Variants in SLC36A1 observed in about 807,000 individuals in gnomAD.
The protein encoded by SLC36A1 is proton-coupled amino acid transporter 1.
In SLC36A1, 30 loss-of-function variants were observed where a neutral mutation model predicts 47.5. The observed-to-expected ratio is 0.63, with a 90% CI of 0.47 to 0.86. SLC36A1 has a LOEUF of 0.86. Among genes scored for constraint, SLC36A1 ranks in the 40% least tolerant of loss-of-function variants. SLC36A1 has a pLI of 0.00. For missense variants in SLC36A1, 517 were observed against 606.0 expected, an observed-to-expected ratio of 0.85 and a Z score of 1.54; for synonymous variants, 255 against 249.7, an observed-to-expected ratio of 1.02 and a Z score of -0.20.
the SLC36A1 span, among the ~76,000 whole-genome samples, chr5:151,405,520 G>T: frequency 6.6e-6 from 1 of 151,804 alleles, no homozygotes; most frequent in Non-Finnish European, 1.5e-5. Flanking sequence ...AACACCTCTT[G>T]AATCTCATTC....
At chr5:151,475,505 CA>C (rs1243107963) in intron 8 of SLC36A1, among the ~76,000 whole-genome samples, 1 of 152,204 alleles carries the variant, frequency 6.6e-6, no homozygotes, top group Non-Finnish European at 1.5e-5. Flanking sequence ...TGCCAGGCTG[CA>C]CACTGTATTC....
the SLC36A1 span, chr5:151,382,061 A>T: frequency 1.6e-3 from 1,164 of 708,454 alleles, 3 homozygotes; most frequent in Non-Finnish European, 2.3e-3. Flanking sequence ...CTGTTACAGG[A>T]GGCACTGATG....
At chr5:151,365,130 C>G in the SLC36A1 span, among the ~76,000 whole-genome samples, 1 of 151,994 alleles carries the variant, frequency 6.6e-6, no homozygotes, top group African/African-American at 2.4e-5. Flanking sequence ...GGTGGTTGCC[C>G]AAGGCAAAAT....
chr5:151,553,201 C>A, the SLC36A1 span: 2 of 1,614,212 alleles, frequency 1.2e-6, no homozygotes, highest in Non-Finnish European at 1.7e-6. Flanking sequence ...CAGAAGAGTC[C>A]GGGTCTGCCC....
the SLC36A1 span, among the ~76,000 whole-genome samples, chr5:151,539,268 G>T: frequency 6.6e-6 from 1 of 152,158 alleles, no homozygotes; most frequent in African/African-American, 2.4e-5. Context: ...TTATGTGACT[G>T]GCATGTAGAA....
chr5:151,393,966 G>A, the SLC36A1 span, among the ~76,000 whole-genome samples: 2 of 110,692 alleles, frequency 1.8e-5, no homozygotes, highest in East Asian at 2.3e-4. Flanking sequence ...CTAGGTTGGG[G>A]AAGTTCTCCT....
At chr5:151,521,248 T>C in the SLC36A1 span, 3 of 1,568,508 alleles carry the variant, frequency 1.9e-6, no homozygotes, top group Non-Finnish European at 2.6e-6. Context: ...GCAGTGCTGC[T>C]CGTCCCTAGG....
At chr5:151,553,921 G>T in the SLC36A1 span, among the ~76,000 whole-genome samples, 19 of 152,350 alleles carry the variant, frequency 1.2e-4, no homozygotes, top group African/African-American at 4.6e-4. Context: ...TGAGACTGGG[G>T]TTGAATTCAG....
At chr5:151,480,223 C>A in intron 10 of SLC36A1, 1 of 487,000 alleles carries the variant, frequency 2.1e-6, no homozygotes, top group Non-Finnish European at 3.3e-6. Context: ...AAGAGATTTG[C>A]AATTGTTTTC....
chr5:151,519,820 C>T, the SLC36A1 span, among the ~76,000 whole-genome samples: 4 of 152,094 alleles, frequency 2.6e-5, no homozygotes, highest in African/African-American at 9.7e-5. Flanking sequence ...AGTATTTCTT[C>T]AATGCAAGCC....
the SLC36A1 span, among the ~76,000 whole-genome samples, chr5:151,518,136 G>A: frequency 2.2e-4 from 34 of 152,216 alleles, no homozygotes; most frequent in East Asian, 4.3e-3. Flanking sequence ...TTCGAGACCA[G>A]CCTGGGCAAC....
the SLC36A1 span, among the ~76,000 whole-genome samples, chr5:151,361,973 C>T: frequency 6.6e-6 from 1 of 152,064 alleles, no homozygotes; most frequent in Non-Finnish European, 1.5e-5. Flanking sequence ...ACATTGTTTG[C>T]TTTTCTCTTG....
intron 1 of SLC36A1, among the ~76,000 whole-genome samples, chr5:151,452,687 G>A (rs552557730): frequency 6.6e-6 from 1 of 152,060 alleles, no homozygotes; most frequent in East Asian, 1.9e-4. Flanking sequence ...TGGCCAACAC[G>A]GAGAAACTCC....
the SLC36A1 span, among the ~76,000 whole-genome samples, chr5:151,547,257 T>C: frequency 1.3e-5 from 2 of 152,218 alleles, no homozygotes; most frequent in Non-Finnish European, 2.9e-5. Context: ...TGAGCTATCC[T>C]CTTTCTTTGG....
the SLC36A1 span, among the ~76,000 whole-genome samples, chr5:151,357,139 G>GA: frequency 6.6e-6 from 1 of 152,158 alleles, no homozygotes; most frequent in East Asian, 1.9e-4. Flanking sequence ...TAGACAACTG[G>GA]AAAATCTTCA....
chr5:151,385,052 G>C, the SLC36A1 span, among the ~76,000 whole-genome samples: 19 of 151,556 alleles, frequency 1.3e-4, no homozygotes, highest in South Asian at 3.8e-3. Context: ...GAGAGAGAGA[G>C]AGACAGAGAG....
the SLC36A1 span, among the ~76,000 whole-genome samples, chr5:151,383,461 G>C: frequency 6.6e-6 from 1 of 151,938 alleles, no homozygotes; most frequent in African/African-American, 2.4e-5. Context: ...GGCCAAAGAT[G>C]GGCAAAATAT....
At chr5:151,348,899 C>T in the SLC36A1 span, among the ~76,000 whole-genome samples, 6 of 152,308 alleles carry the variant, frequency 3.9e-5, no homozygotes, top group South Asian at 1.2e-3. Context: ...GCTTTGACCA[C>T]AGCACTGTCT....
At chr5:151,534,367 C>G in the SLC36A1 span, 1 of 1,499,550 alleles carries the variant, frequency 6.7e-7, no homozygotes, top group Admixed American at 1.9e-5. Context: ...CAAGGTGACC[C>G]AGGAGATCAT....
Sources: allele counts gnomAD v4.1 joint callset (sites outside exome capture counted in the v4.1 genomes callset), GRCh38; gene constraint gnomAD v4.1.1; transcripts MANE v1.5; gene names NCBI Gene and HGNC (gene_info 2026-07-23, HGNC 2026-07-21).